The following TAFA2 variants were observed in gnomAD, a reference collection of about 807,000 sequenced individuals.
TAFA2 encodes TAFA chemokine like family member 2.
A neutral mutation model predicts 18.8 loss-of-function variants in TAFA2; 7 were observed. The ratio of observed to expected loss-of-function variants is 0.37; its 90% CI spans 0.21 to 0.70. TAFA2 has a LOEUF of 0.70. Among genes scored for constraint, TAFA2 ranks in the 30% least tolerant of loss-of-function variants. The pLI is 0.53. For synonymous variants in TAFA2, 60 were observed against 54.2 expected (o/e 1.11, Z -0.47); for missense variants, 122 against 158.1 (o/e 0.77, Z 1.23).
At chr12:62,198,652 G>A (rs1408651219) in intron 1 of TAFA2, among the ~76,000 whole-genome samples, 1 of 152,088 alleles carries the variant, frequency 6.6e-6, no homozygotes, top group Non-Finnish European at 1.5e-5. Flanking sequence ...GCAATAATGT[G>A]TCTCTCACTT....
At chr12:61,801,737 A>G (rs530488223) in intron 2 of TAFA2, among the ~76,000 whole-genome samples, 2 of 152,232 alleles carry the variant, frequency 1.3e-5, no homozygotes, top group African/African-American at 4.8e-5. Context: ...ACCACAGGCA[A>G]CATAAGCAAA....
chr12:61,973,685 A>G (rs572550721), intron 1 of TAFA2, among the ~76,000 whole-genome samples: 1 of 151,852 alleles, frequency 6.6e-6, no homozygotes, highest in Admixed American at 6.6e-5. Context: ...CTGTGTTAAC[A>G]TAGAACTCCT....
At chr12:62,141,333 T>C (rs920847613) in intron 1 of TAFA2, among the ~76,000 whole-genome samples, 5 of 152,186 alleles carry the variant, frequency 3.3e-5, no homozygotes, top group African/African-American at 9.6e-5. Flanking sequence ...CTTACTGCAG[T>C]GAACAGCTTT....
intron 1 of TAFA2, among the ~76,000 whole-genome samples, chr12:62,190,204 C>T: frequency 6.6e-6 from 1 of 152,106 alleles, no homozygotes; most frequent in Admixed American, 6.5e-5. Context: ...GTGGAATACT[C>T]AATAGGGAAG....
chr12:61,712,283 C>T (rs948704847), intron 4 of TAFA2, among the ~76,000 whole-genome samples: 1 of 152,048 alleles, frequency 6.6e-6, no homozygotes, highest in Non-Finnish European at 1.5e-5. Context: ...ATAATAGATG[C>T]ATTCCTATAT....
At chr12:61,849,227 T>C (rs916707966) in intron 2 of TAFA2, among the ~76,000 whole-genome samples, 4 of 152,184 alleles carry the variant, frequency 2.6e-5, no homozygotes, top group Admixed American at 2.6e-4. Flanking sequence ...AGAGCATCTA[T>C]TATTCCTATT....
intron 4 of TAFA2, among the ~76,000 whole-genome samples, chr12:61,743,574 G>C (rs557619199): frequency 4.6e-5 from 7 of 152,126 alleles, no homozygotes; most frequent in Admixed American, 1.3e-4. Context: ...TCCAGATGAG[G>C]TCTGATCACT....
At chr12:62,042,789 G>A (rs745723110) in intron 1 of TAFA2, among the ~76,000 whole-genome samples, 3 of 152,038 alleles carry the variant, frequency 2.0e-5, no homozygotes, top group Non-Finnish European at 2.9e-5. Context: ...GGGGTCGCCT[G>A]TAAGCATAAT....
rs1188351908 is a variant in TAFA2, at chr12:62,019,421, A to G, written c.-1-151995T>C. Among the ~76,000 whole-genome samples, 28 of 92,308 alleles carry G rather than the reference A, an allele frequency of 3.0e-4. 1 individual carries two copies. The highest frequency in any genetic ancestry group is 5.1e-3 in the Middle Eastern group (1 of 198). 60.6% of individuals were successfully genotyped at this position (92,308 alleles called of 152,430 possible). On this transcript the variant is annotated intron_variant, in intron 1 of 4. Transcript: ENST00000416284. The stretch of plus-strand genomic sequence containing the variant: ...TTCACAATAGCAAAGACTTGGACCC[A>G]AATGTCCAACAATGATAGACTGGAT...
At chr12:61,845,808 A>C (rs1873380800) in intron 2 of TAFA2, among the ~76,000 whole-genome samples, 1 of 152,130 alleles carries the variant, frequency 6.6e-6, no homozygotes, top group South Asian at 2.1e-4. Flanking sequence ...ACACTCATAT[A>C]AATGATCCAC....
At chr12:62,049,608 C>T (rs1881997645) in intron 1 of TAFA2, among the ~76,000 whole-genome samples, 1 of 152,120 alleles carries the variant, frequency 6.6e-6, no homozygotes, top group South Asian at 2.1e-4. Flanking sequence ...ATATGAAAAA[C>T]CCTTTTTTCA....
rs188780752 is a variant in TAFA2 at position 62,050,631 on chromosome 12, G to T, written c.-2+140628C>A. On this transcript the variant is annotated intron_variant, in intron 1 of 4. Transcript: ENST00000416284. The stretch of plus-strand genomic sequence containing the variant: ...CTCCATATTCCCTTGTATAACAAAT[G>T]GTCATATCTATACTTATTAGTTAAA... Among the ~76,000 whole-genome samples, 15 of 151,890 alleles carry T rather than the reference G, an allele frequency of 9.9e-5. No individual in the cohort carries two copies. The East Asian group carries it at 2.7e-3, about 28-fold the overall frequency.
intron 1 of TAFA2, among the ~76,000 whole-genome samples, chr12:61,903,098 A>T (rs1876181693): frequency 6.6e-6 from 1 of 152,186 alleles, no homozygotes. Context: ...TTCTACTAAT[A>T]ACATACAGGG....
intron 1 of TAFA2, among the ~76,000 whole-genome samples, chr12:61,920,639 C>T (rs1027976012): frequency 6.6e-6 from 1 of 152,114 alleles, no homozygotes; most frequent in African/African-American, 2.4e-5. Context: ...CTGTTTCTTG[C>T]ACACGTATGT....
At chr12:61,749,884 C>T (rs1368107471) in intron 4 of TAFA2, among the ~76,000 whole-genome samples, 2 of 151,976 alleles carry the variant, frequency 1.3e-5, no homozygotes. Context: ...CTGCACTGAC[C>T]ACTGTATTTT....
At chr12:62,168,558 G>A (rs1028074573) in intron 1 of TAFA2, among the ~76,000 whole-genome samples, 1 of 152,190 alleles carries the variant, frequency 6.6e-6, no homozygotes, top group African/African-American at 2.4e-5. Flanking sequence ...TTTAAGGCCA[G>A]GTGTCATGAC....
intron 1 of TAFA2, among the ~76,000 whole-genome samples, chr12:61,949,839 A>C (rs1878405526): frequency 6.6e-6 from 1 of 152,202 alleles, no homozygotes; most frequent in Admixed American, 6.6e-5. Flanking sequence ...TGTTAAGTAC[A>C]TTCACATTGT....
chr12:62,109,563 C>T (rs767727562), intron 1 of TAFA2, among the ~76,000 whole-genome samples: 1 of 152,032 alleles, frequency 6.6e-6, no homozygotes, highest in Non-Finnish European at 1.5e-5. Flanking sequence ...CTGTAAATTA[C>T]TTTGGGCTGT....
intron 1 of TAFA2, among the ~76,000 whole-genome samples, chr12:62,046,397 A>T (rs1273231413): frequency 6.6e-6 from 1 of 152,122 alleles, no homozygotes; most frequent in African/African-American, 2.4e-5. Flanking sequence ...ATACAAAAAG[A>T]TATGCAGTAC....
Sources: allele counts gnomAD v4.1 joint callset (sites outside exome capture counted in the v4.1 genomes callset), GRCh38; gene constraint gnomAD v4.1.1; transcripts MANE v1.5; gene names NCBI Gene and HGNC (gene_info 2026-07-23, HGNC 2026-07-21).